Variants in BCAS3 observed in about 807,000 individuals in gnomAD.
BCAS3 encodes BCAS4/BCAS3 fusion.
BCAS3 carries 53 observed loss-of-function variants against 116.1 expected under a neutral mutation model. The ratio of observed to expected loss-of-function variants is 0.46; its 90% CI spans 0.37 to 0.57. The LOEUF (loss-of-function observed/expected upper bound fraction) is 0.57. Among genes scored for constraint, BCAS3 ranks in the 20% least tolerant of loss-of-function variants. The pLI is 0.00. For missense variants in BCAS3, 917 were observed against 1,165.4 expected (o/e 0.79, Z 3.10); for synonymous variants, 391 against 408.2 (o/e 0.96, Z 0.51).
At chr17:60,915,323 C>A (rs1237418414) in intron 12 of BCAS3, among the ~76,000 whole-genome samples, 1 of 152,126 alleles carries the variant, frequency 6.6e-6, no homozygotes, top group Non-Finnish European at 1.5e-5. Flanking sequence ...AGGTCTTAAT[C>A]AGTTTTCTCT....
At chr17:60,893,155 T>C (rs751353207) in intron 10 of BCAS3, among the ~76,000 whole-genome samples, 2 of 152,158 alleles carry the variant, frequency 1.3e-5, no homozygotes, top group Non-Finnish European at 2.9e-5. Flanking sequence ...CTTAGTTGGA[T>C]GCATAATTTA....
chr17:60,718,584 G>A (rs2038903882), intron 5 of BCAS3, among the ~76,000 whole-genome samples: 1 of 152,044 alleles, frequency 6.6e-6, no homozygotes, highest in African/African-American at 2.4e-5. Context: ...ACTGGCACAT[G>A]CCACCATGCC....
intron 7 of BCAS3, among the ~76,000 whole-genome samples, chr17:60,842,267 T>C (rs1304595082): frequency 1.3e-5 from 2 of 152,216 alleles, no homozygotes; most frequent in Non-Finnish European, 2.9e-5. Context: ...AATAACCTTT[T>C]AAAATAGGAG....
intron 8 of BCAS3, among the ~76,000 whole-genome samples, chr17:60,871,284 C>T (rs1169176885): frequency 6.6e-6 from 1 of 152,204 alleles, no homozygotes; most frequent in East Asian, 1.9e-4. Context: ...CTTGACTCAG[C>T]CTCCCTGTAG....
intron 17 of BCAS3, among the ~76,000 whole-genome samples, chr17:61,035,566 G>C (rs1465173110): frequency 1.5e-5 from 2 of 132,062 alleles, no homozygotes; most frequent in East Asian, 4.3e-4. Context: ...CTGGGTGACA[G>C]AGCAAGACTC....
At chr17:61,137,704 G>T (rs114582177) in intron 22 of BCAS3, among the ~76,000 whole-genome samples, 1,524 of 152,340 alleles carry the variant, frequency 0.01, 31 homozygotes, top group African/African-American at 0.035. Context: ...GGAAGGCAGA[G>T]ATTGCAGAGC....
chr17:61,181,420 T>C lies in BCAS3; in HGVS notation c.2425+96856T>C, dbSNP rs1205873375. 6.6e-6 allele frequency among the ~76,000 whole-genome samples: 1 copy of C among 152,214 alleles called. No individual in the cohort carries two copies. Among genetic ancestry groups the C allele is most frequent in the Non-Finnish European group, 1.5e-5 (1 of 68,032 alleles). On this transcript the variant is annotated intron_variant, in intron 22 of 23. Transcript: ENST00000407086. The surrounding 1 kb of genome is among the most constrained non-coding windows in gnomAD (Gnocchi z 5.0). ...AGAGAACTGAGAAGTGATTTATTGCTGGAGGTGATATTATCTTTGAACCTT... is the reference window on the plus strand; with the variant it reads ...AGAGAACTGAGAAGTGATTTATTGCCGGAGGTGATATTATCTTTGAACCTT...
intron 14 of BCAS3, among the ~76,000 whole-genome samples, chr17:60,959,354 C>G (rs2061305404): frequency 6.6e-6 from 1 of 151,784 alleles, no homozygotes; most frequent in South Asian, 2.1e-4. Flanking sequence ...GCAAAATTTT[C>G]TATTCCAAAG....
At chr17:60,690,211 C>T (rs1568021923) in intron 4 of BCAS3, among the ~76,000 whole-genome samples, 1 of 152,124 alleles carries the variant, frequency 6.6e-6, no homozygotes, top group South Asian at 2.1e-4. Context: ...TGGCTTATTT[C>T]ACTTAGCATA....
intron 5 of BCAS3, among the ~76,000 whole-genome samples, chr17:60,746,186 C>A (rs2041999059): frequency 6.6e-6 from 1 of 152,124 alleles, no homozygotes; most frequent in African/African-American, 2.4e-5. Context: ...CATATTTCAT[C>A]AAACACTAGG....
At chr17:60,909,315 G>A (rs1224741522) in intron 11 of BCAS3, among the ~76,000 whole-genome samples, 10 of 151,916 alleles carry the variant, frequency 6.6e-5, no homozygotes, top group Admixed American at 6.6e-4. Context: ...AACTGTCTTT[G>A]TGTACTATTT....
chr17:61,220,878 A>G lies in BCAS3; in HGVS notation c.2425+136314A>G, dbSNP rs1207381865. 6.6e-6 allele frequency among the ~76,000 whole-genome samples: 1 copy of G among 152,184 alleles called. No homozygotes were observed. Among genetic ancestry groups the G allele is most frequent in the Non-Finnish European group, 1.5e-5 (1 of 68,016 alleles). On this transcript the variant is annotated intron_variant, in intron 22 of 23. Transcript: ENST00000407086. This position sits in a 1 kb window ranked among gnomAD's most constrained non-coding sequence, Gnocchi z 4.5. ...CACTTTGGGAGGCCGAGGTGGGTGG[A>G]TCACGAGGTCAGGAGATCGAGACCA...
chr17:60,772,503 G>A (rs1330644144), intron 6 of BCAS3, among the ~76,000 whole-genome samples: 1 of 152,146 alleles, frequency 6.6e-6, no homozygotes, highest in African/African-American at 2.4e-5. Flanking sequence ...CCATTCTGTA[G>A]GTTGCCTGTT....
At chr17:61,080,993 G>T (rs1256353270) in intron 21 of BCAS3, among the ~76,000 whole-genome samples, 1 of 152,028 alleles carries the variant, frequency 6.6e-6, no homozygotes, top group African/African-American at 2.4e-5. Flanking sequence ...CCAATTTTCA[G>T]TGATGCTAAT....
chr17:60,822,148 C>T (rs1263166649), intron 7 of BCAS3, among the ~76,000 whole-genome samples: 1 of 152,188 alleles, frequency 6.6e-6, no homozygotes, highest in African/African-American at 2.4e-5. Context: ...ATGGTTAGAT[C>T]ACATGTTAGA....
Position 61,390,698 on chromosome 17 carries a change from C to T in BCAS3, c.2594-1279C>T, listed in dbSNP as rs1388083409. On this transcript the variant is annotated intron_variant, in intron 23 of 23. Coordinates refer to ENST00000407086, the MANE Select transcript of BCAS3 (RefSeq NM_017679.5). This position sits in a 1 kb window ranked among gnomAD's most constrained non-coding sequence, Gnocchi z 6.8. ...CAGCCCAGGAGTGAAGGCCATGACC[C>T]CTTCATTCCCTAACCAGAGCCGGCT... 1.3e-5 allele frequency: 2 copies of T among 152,292 alleles called. No individual in the cohort carries two copies. Among genetic ancestry groups the T allele is most frequent in the Non-Finnish European group, 2.9e-5 (2 of 68,090 alleles). 9.4% of individuals were successfully genotyped at this position (152,292 alleles called of 1,614,324 possible).
At chr17:60,971,072 A>G (rs1289419971) in intron 14 of BCAS3, among the ~76,000 whole-genome samples, 2 of 152,222 alleles carry the variant, frequency 1.3e-5, no homozygotes, top group Non-Finnish European at 2.9e-5. Context: ...CTTGATAAGC[A>G]GCTTGATTCC....
At chr17:60,688,813 CT>C (rs1177726779) in intron 3 of BCAS3, 2 of 143,838 alleles carry the variant, frequency 1.4e-5, no homozygotes, top group Non-Finnish European at 3.0e-5. Context: ...GAGACTCTGT[CT>C]CAAAAAAAAA....
Position 61,213,754 on chromosome 17 carries a change from C to A in BCAS3, c.2425+129190C>A, listed in dbSNP as rs1158719405. Among the ~76,000 whole-genome samples, 1 of 152,128 alleles carries A rather than the reference C, an allele frequency of 6.6e-6. No individual in the cohort carries two copies. The highest frequency in any genetic ancestry group is 1.5e-5 in the Non-Finnish European group (1 of 68,034). ...TGCAGAGACTGGATTAGAACACACA[C>A]ATTCAGAATTTTCTGGATGTGGTTT... On this transcript the variant is annotated intron_variant, in intron 22 of 23. Coordinates refer to ENST00000407086, the MANE Select transcript of BCAS3 (RefSeq NM_017679.5). This position sits in a 1 kb window ranked among gnomAD's most constrained non-coding sequence, Gnocchi z 5.4.
Sources: allele counts gnomAD v4.1 joint callset (sites outside exome capture counted in the v4.1 genomes callset), GRCh38; gene constraint gnomAD v4.1.1; non-coding constraint Gnocchi (gnomAD v3.1); transcripts MANE v1.5; gene names NCBI Gene and HGNC (gene_info 2026-07-23, HGNC 2026-07-21).